The following KCTD8 variants were observed in gnomAD, a reference collection of about 807,000 sequenced individuals.
KCTD8 encodes potassium channel tetramerization domain containing 8, also known as BTB/POZ domain-containing protein KCTD8.
A neutral mutation model predicts 31.5 loss-of-function variants in KCTD8; 27 were observed. That is an observed-to-expected ratio of 0.86 (90% CI 0.63 to 1.18). The LOEUF (loss-of-function observed/expected upper bound fraction) is 1.18, where lower values mean the gene tolerates loss of function less well. Ranked by LOEUF, KCTD8 falls within the 50% of genes most tolerant of loss-of-function variation. The pLI, the probability that KCTD8 is intolerant of heterozygous loss-of-function variation, is 0.00. For synonymous variants in KCTD8, 290 were observed against 280.0 expected, an observed-to-expected ratio of 1.04 and a Z score of -0.36; for missense variants, 658 against 647.7, an observed-to-expected ratio of 1.02 and a Z score of -0.17.
intron 1 of KCTD8, among the ~76,000 whole-genome samples, chr4:44,429,610 T>C (rs1390329092): frequency 1.3e-5 from 2 of 151,818 alleles, no homozygotes; most frequent in Non-Finnish European, 2.9e-5. Flanking sequence ...GGTAGGTTGA[T>C]AGTTGGTTAA....
intron 1 of KCTD8, among the ~76,000 whole-genome samples, chr4:44,257,711 G>A (rs1716028690): frequency 6.6e-6 from 1 of 151,944 alleles, no homozygotes; most frequent in African/African-American, 2.4e-5. Context: ...GGTGCCAGCT[G>A]CTCTCTGCTT....
At chr4:44,375,937 T>C (rs1384607791) in intron 1 of KCTD8, among the ~76,000 whole-genome samples, 1 of 148,924 alleles carries the variant, frequency 6.7e-6, no homozygotes, top group Non-Finnish European at 1.5e-5. Context: ...AAGTATTTTG[T>C]GTCTCTCTCT....
chr4:44,393,413 G>T (rs1720418578), intron 1 of KCTD8, among the ~76,000 whole-genome samples: 1 of 151,362 alleles, frequency 6.6e-6, no homozygotes, highest in South Asian at 2.1e-4. Flanking sequence ...CACACTAGTG[G>T]GTCTAAATAT....
chr4:44,252,491 G>A (rs1469063985), intron 1 of KCTD8, among the ~76,000 whole-genome samples: 1 of 151,654 alleles, frequency 6.6e-6, no homozygotes, highest in African/African-American at 2.4e-5. Flanking sequence ...ATGTAGAAGT[G>A]TTCCCTTTTC....
At chr4:44,393,837 G>T (rs976377816) in intron 1 of KCTD8, among the ~76,000 whole-genome samples, 1 of 151,512 alleles carries the variant, frequency 6.6e-6, no homozygotes, top group African/African-American at 2.4e-5. Context: ...TAGAAGCTTA[G>T]AAATCAAATA....
intron 1 of KCTD8, among the ~76,000 whole-genome samples, chr4:44,319,619 C>A (rs1718235429): frequency 6.6e-6 from 1 of 152,198 alleles, no homozygotes; most frequent in Non-Finnish European, 1.5e-5. Context: ...TAGTTAAATT[C>A]TCACATCAAG....
At chr4:44,298,967 C>T (rs1299039161) in intron 1 of KCTD8, among the ~76,000 whole-genome samples, 1 of 152,062 alleles carries the variant, frequency 6.6e-6, no homozygotes, top group Non-Finnish European at 1.5e-5. Flanking sequence ...AAAAAAGTTC[C>T]AAGTTTTCAA....
chr4:44,193,173 T>A (rs1213339025), intron 1 of KCTD8, among the ~76,000 whole-genome samples: 1 of 152,234 alleles, frequency 6.6e-6, no homozygotes, highest in Admixed American at 6.5e-5. Flanking sequence ...GTTTATATTT[T>A]AACAAGTAAA....
chr4:44,378,074 A>C (rs1719960580), intron 1 of KCTD8, among the ~76,000 whole-genome samples: 1 of 151,112 alleles, frequency 6.6e-6, no homozygotes, highest in African/African-American at 2.4e-5. Context: ...AAAAACCAGA[A>C]CACATAGTTA....
rs1273372755 is a variant in KCTD8 at position 44,269,689 on chromosome 4, TACAAGAAAAAAGCAA to T, written c.962-94454_962-94440del. ...AATCTACAATGAACTCAAACAAATTTACAAGAAAAAAGCAAACAACCCCATCAAAAAGTGGGCAAA... is the reference window on the plus strand; with the variant it reads ...AATCTACAATGAACTCAAACAAATTTACAACCCCATCAAAAAGTGGGCAAA... On this transcript the variant is annotated intron_variant, in intron 1 of 1. Coordinates refer to ENST00000360029, the MANE Select transcript of KCTD8 (RefSeq NM_198353.3). 5.4e-4 allele frequency among the ~76,000 whole-genome samples: 82 copies of T among 152,014 alleles called. 1 individual carries two copies. Among genetic ancestry groups the T allele is most frequent in the Admixed American group, 5.4e-3 (82 of 15,260 alleles).
intron 1 of KCTD8, among the ~76,000 whole-genome samples, chr4:44,226,887 GT>G (rs375700465): frequency 3.1e-4 from 45 of 145,698 alleles, no homozygotes; most frequent in African/African-American, 9.4e-4. Context: ...AGATGGAGTT[GT>G]TTTTTTTTTC....
Position 44,283,550 on chromosome 4 carries a change from A to G in KCTD8, c.962-108300T>C, listed in dbSNP as rs917151928. On this transcript the variant is annotated intron_variant, in intron 1 of 1. Transcript: ENST00000360029. ...TATGGACCTTCTAGGGCCCTTAATA[A>G]TTATTCTAAGTCTACTTTGCCTGTG... Among the ~76,000 whole-genome samples the G allele has an allele frequency of 3.3e-5, 5 of 152,070 alleles. No homozygotes were observed. The South Asian group carries it at 1.0e-3, about 31-fold the overall frequency.
intron 1 of KCTD8, among the ~76,000 whole-genome samples, chr4:44,429,684 T>G (rs1002627235): frequency 6.6e-6 from 1 of 151,790 alleles, no homozygotes; most frequent in Non-Finnish European, 1.5e-5. Flanking sequence ...CTGGCAAGTT[T>G]AAAAAGTAAT....
intron 1 of KCTD8, among the ~76,000 whole-genome samples, chr4:44,217,219 C>T (rs1714674556): frequency 6.6e-6 from 1 of 152,102 alleles, no homozygotes; most frequent in Admixed American, 6.6e-5. Context: ...TTGGCAAATT[C>T]TCTTCACACA....
intron 1 of KCTD8, among the ~76,000 whole-genome samples, chr4:44,221,351 G>A (rs1313847561): frequency 6.7e-6 from 1 of 150,122 alleles, no homozygotes; most frequent in Non-Finnish European, 1.5e-5. Context: ...GTGTGCATGT[G>A]TGTGTGTGTG....
At chr4:44,283,331 T>C (rs956218572) in intron 1 of KCTD8, among the ~76,000 whole-genome samples, 2 of 152,052 alleles carry the variant, frequency 1.3e-5, no homozygotes, top group Admixed American at 6.5e-5. Context: ...ATTACAAGCA[T>C]GAGACACCAT....
At chr4:44,411,598 T>A (rs1472786200) in intron 1 of KCTD8, among the ~76,000 whole-genome samples, 1 of 152,132 alleles carries the variant, frequency 6.6e-6, no homozygotes, top group Non-Finnish European at 1.5e-5. Context: ...AATAATATGC[T>A]GAAATCCCAA....
chr4:44,420,629 A>C (rs1377067183), intron 1 of KCTD8, among the ~76,000 whole-genome samples: 1 of 152,144 alleles, frequency 6.6e-6, no homozygotes, highest in East Asian at 1.9e-4. Flanking sequence ...AACTGGCAAG[A>C]GAGAGTGACG....
intron 1 of KCTD8, among the ~76,000 whole-genome samples, chr4:44,381,215 TAA>T (rs1720054625): frequency 6.6e-6 from 1 of 152,062 alleles, no homozygotes; most frequent in Admixed American, 6.6e-5. Flanking sequence ...ATTTTCACTC[TAA>T]GTTATATCTA....
Sources: gnomAD v4.1 joint callset for allele counts (sites outside exome capture counted in the v4.1 genomes callset) on GRCh38, gnomAD v4.1.1 for gene constraint, MANE v1.5 for transcripts, NCBI Gene and HGNC (gene_info 2026-07-23, HGNC 2026-07-21) for gene names.